PALM2AKAP2: variants seen among roughly 807,000 people sequenced by gnomAD.
PALM2AKAP2 encodes PALM2 and AKAP2 fusion, also known as PALM2-AKAP2 fusion protein.
Under a neutral mutation model 71.5 loss-of-function variants are expected in PALM2AKAP2, and 37 were observed. The observed-to-expected ratio is 0.52, with a 90% CI of 0.40 to 0.68. PALM2AKAP2 has a LOEUF of 0.68. Ranked by LOEUF, PALM2AKAP2 falls within the 30% of genes least tolerant of loss-of-function variation. The pLI is 0.00. For synonymous variants in PALM2AKAP2, 468 were observed against 478.8 expected, an observed-to-expected ratio of 0.98 and a Z score of 0.29; for missense variants, 1,224 against 1,191.8, an observed-to-expected ratio of 1.03 and a Z score of -0.40.
At chr9:110,050,246 T>C (rs375680611) in intron 1 of PALM2AKAP2, among the ~76,000 whole-genome samples, 1 of 152,242 alleles carries the variant, frequency 6.6e-6, no homozygotes, top group Non-Finnish European at 1.5e-5. Context: ...AGCGCTCTTC[T>C]ATCCCAACTC....
chr9:109,700,666 G>A (rs1486417576), intron 1 of PALM2AKAP2, among the ~76,000 whole-genome samples: 1 of 152,104 alleles, frequency 6.6e-6, no homozygotes, highest in Non-Finnish European at 1.5e-5. Context: ...TGGAAAGCTT[G>A]GGCTCTTTCT....
chr9:110,048,485 T>A (rs1481827960), upstream of PALM2AKAP2: 5 of 545,406 alleles, frequency 9.2e-6, no homozygotes, highest in Non-Finnish European at 1.6e-5. Flanking sequence ...CTCCAGTCTC[T>A]GCATTCATTC....
At chr9:109,827,806 C>G (rs1393302839) in intron 1 of PALM2AKAP2, among the ~76,000 whole-genome samples, 2 of 151,790 alleles carry the variant, frequency 1.3e-5, no homozygotes, top group Non-Finnish European at 2.9e-5. Flanking sequence ...AGCACTGCTA[C>G]TGAAAAAAAA....
chr9:110,136,692 G>T, exon 2 of PALM2AKAP2: 1 of 1,614,178 alleles, frequency 6.2e-7, no homozygotes, highest in Non-Finnish European at 8.5e-7. Flanking sequence ...GTGCCTGTCA[G>T]CCCCAGCTCC....
At position 110,010,048 on chromosome 9, in the gene PALM2AKAP2, G is replaced by C. The variant is rs569711538; in HGVS notation, c.497-5906G>C. ...TTCCTCTGACTGTGCAGCTAGGTGA[G>C]AGGGTGTATAAAAAGCAATACAAAA... is the stretch of plus-strand genomic sequence containing the variant. On this transcript the variant is annotated intron_variant, in intron 6 of 9. Transcript: ENST00000302798. Among the ~76,000 whole-genome samples, 40 of 152,358 alleles carry C rather than the reference G, an allele frequency of 2.6e-4. No individual in the cohort carries two copies. The South Asian group carries it at 8.1e-3, about 31-fold the overall frequency.
chr9:109,703,647 T>A (rs1399732076), intron 1 of PALM2AKAP2, among the ~76,000 whole-genome samples: 2 of 152,096 alleles, frequency 1.3e-5, no homozygotes, highest in Non-Finnish European at 2.9e-5. Flanking sequence ...TGCTTATTTA[T>A]GAAAATCAGA....
chr9:109,726,280 T>C lies in PALM2AKAP2; in HGVS notation c.6-54208T>C, dbSNP rs75810320. ...GTGACTGAAAGCAGCAGGTGCCATG[T>C]AGAATCCAGTCTGGTTGTGGTGGTG... On this transcript the variant is annotated intron_variant, in intron 1 of 6. Transcript: ENST00000374531. Among the ~76,000 whole-genome samples, 705 of 152,296 alleles carry C rather than the reference T, an allele frequency of 4.6e-3. 10 individuals are homozygous for C. Among genetic ancestry groups the C allele is most frequent in the Non-Finnish European group, 7.7e-3 (523 of 68,024 alleles).
chr9:110,140,969 G>C (rs1244044679), intron 2 of PALM2AKAP2, among the ~76,000 whole-genome samples: 1 of 152,172 alleles, frequency 6.6e-6, no homozygotes, highest in African/African-American at 2.4e-5. Flanking sequence ...ATGAATAATG[G>C]GGGGGCGGGC....
chr9:109,953,687 T>C (rs1831686126), intron 6 of PALM2AKAP2, among the ~76,000 whole-genome samples: 1 of 151,740 alleles, frequency 6.6e-6, no homozygotes, highest in African/African-American at 2.4e-5. Flanking sequence ...AATAAAAAAT[T>C]AGCTGGGCTT....
At chr9:110,018,629 C>T (rs1222970370) in intron 7 of PALM2AKAP2, among the ~76,000 whole-genome samples, 1 of 152,156 alleles carries the variant, frequency 6.6e-6, no homozygotes, top group East Asian at 1.9e-4. Flanking sequence ...CTCCACCCAG[C>T]CAGCAAAATA....
intron 1 of PALM2AKAP2, among the ~76,000 whole-genome samples, chr9:109,836,897 A>C (rs9408824): frequency 6.6e-6 from 1 of 152,122 alleles, no homozygotes; most frequent in Admixed American, 6.5e-5. Context: ...ACAAATCTAC[A>C]TCTGATTGGT....
At position 109,846,318 on chromosome 9, in the gene PALM2AKAP2, G is replaced by A. The variant is rs146284574; in HGVS notation, c.46-21173G>A. 9.2e-5 allele frequency among the ~76,000 whole-genome samples: 14 copies of A among 152,260 alleles called. No individual in the cohort carries two copies. In the East Asian group the frequency reaches 2.7e-3, roughly 29 times the overall value. ...CCTGCTTCAAGAGAAAGGGAGGTGG[G>A]TGGCAGATTGGTCTCATGGCTGCCA... On this transcript the variant is annotated intron_variant, in intron 1 of 9. Coordinates refer to the PALM2AKAP2 transcript ENST00000302798.
chr9:109,913,477 G>A (rs1237791113), intron 3 of PALM2AKAP2, among the ~76,000 whole-genome samples: 1 of 152,152 alleles, frequency 6.6e-6, no homozygotes, highest in Non-Finnish European at 1.5e-5. Flanking sequence ...GGAGTAGAAG[G>A]GGGGCAAAGC....
chr9:109,864,606 A>G (rs1268060562), intron 1 of PALM2AKAP2, among the ~76,000 whole-genome samples: 1 of 152,198 alleles, frequency 6.6e-6, no homozygotes, highest in Admixed American at 6.5e-5. Flanking sequence ...CTGGCCCACT[A>G]CCTGTGTTTG....
intron 6 of PALM2AKAP2, among the ~76,000 whole-genome samples, chr9:109,978,824 T>G (rs758380875): frequency 2.0e-5 from 3 of 152,068 alleles, no homozygotes; most frequent in Non-Finnish European, 4.4e-5. Context: ...GGAACAATCA[T>G]TGCAAAGCCC....
intron 3 of PALM2AKAP2, among the ~76,000 whole-genome samples, chr9:109,910,488 CAAAT>C (rs921866399): frequency 4.4e-4 from 67 of 152,290 alleles, no homozygotes; most frequent in African/African-American, 1.5e-3. Flanking sequence ...AACAATAAAA[CAAAT>C]AAACCTTTAG....
chr9:109,915,952 T>C (rs984868969), intron 3 of PALM2AKAP2, among the ~76,000 whole-genome samples: 8 of 149,320 alleles, frequency 5.4e-5, no homozygotes, highest in African/African-American at 2.0e-4. Flanking sequence ...TTGGCTTGCT[T>C]TTTTTTTTTG....
intron 1 of PALM2AKAP2, among the ~76,000 whole-genome samples, chr9:109,673,778 C>A (rs1415927828): frequency 6.6e-6 from 1 of 151,998 alleles, no homozygotes; most frequent in African/African-American, 2.4e-5. Flanking sequence ...AATCTGAGTG[C>A]TCTTGTGTTG....
chr9:109,689,266 C>G (rs10979999), intron 1 of PALM2AKAP2, among the ~76,000 whole-genome samples: 55,651 of 148,706 alleles, frequency 0.37, 10,664 homozygotes, highest in Middle Eastern at 0.53. Context: ...GCAATGGTGC[C>G]ATCTCAGCTC....
Sources: gnomAD v4.1 joint callset for allele counts (sites outside exome capture counted in the v4.1 genomes callset) on GRCh38, gnomAD v4.1.1 for gene constraint, MANE v1.5 for transcripts, NCBI Gene and HGNC (gene_info 2026-07-23, HGNC 2026-07-21) for gene names.